IL1RAPL2: variants seen among roughly 807,000 people sequenced by gnomAD.
IL1RAPL2 encodes the protein X-linked interleukin-1 receptor accessory protein-like 2.
In IL1RAPL2, 3 loss-of-function variants were observed where a neutral mutation model predicts 44.1. The ratio of observed to expected loss-of-function variants is 0.07; its 90% confidence interval spans 0.03 to 0.18. The LOEUF is 0.18. Ranked by LOEUF, IL1RAPL2 falls within the 10% of genes least tolerant of loss-of-function variation. The pLI is 1.00. For synonymous variants in IL1RAPL2, 181 were observed against 178.8 expected (o/e 1.01, Z -0.10); for missense variants, 391 against 496.4 (o/e 0.79, Z 2.02).
chrX:105,691,003 C>G (rs1305659670), intron 6 of IL1RAPL2, among the ~76,000 whole-genome samples: 1 of 111,029 alleles, frequency 9.0e-6, no homozygotes, highest in African/African-American at 3.3e-5. Flanking sequence ...GTGCACATGA[C>G]CTCTTCTTTG....
intron 5 of IL1RAPL2, among the ~76,000 whole-genome samples, chrX:105,374,431 G>A (rs1395814437): frequency 9.0e-6 from 1 of 111,527 alleles, no homozygotes; most frequent in Admixed American, 9.5e-5. Flanking sequence ...GCTTTGGGCA[G>A]GATGGCCATT....
rs777573960 is a variant in IL1RAPL2, at chrX:104,990,502, T to G, written c.83-204973T>G. Among the ~76,000 whole-genome samples the G allele has an allele frequency of 3.3e-4, 37 of 111,217 alleles. 1 individual carries two copies. The highest frequency in any genetic ancestry group is 1.1e-3 in the African/African-American group (33 of 30,696). On this transcript the variant is annotated intron_variant, in intron 2 of 10. Coordinates refer to ENST00000372582, the MANE Select transcript of IL1RAPL2 (RefSeq NM_017416.2). ...ACTGAAACAATCCTACATTCATGCTTCTTCTTCTTCTTTACAAGGCATCTG... is the reference window on the plus strand; with the variant it reads ...ACTGAAACAATCCTACATTCATGCTGCTTCTTCTTCTTTACAAGGCATCTG...
intron 1 of IL1RAPL2, among the ~76,000 whole-genome samples, chrX:104,610,440 G>C (rs920698200): frequency 8.9e-6 from 1 of 111,741 alleles, no homozygotes; most frequent in African/African-American, 3.3e-5. Flanking sequence ...AAAGTCTCAG[G>C]ATACAAAATC....
At chrX:105,366,516 A>G (rs777382263) in intron 5 of IL1RAPL2, among the ~76,000 whole-genome samples, 3 of 110,611 alleles carry the variant, frequency 2.7e-5, no homozygotes, top group Non-Finnish European at 5.7e-5. Flanking sequence ...CTTTTGCTGC[A>G]TTCCATAAAG....
At chrX:105,159,993 C>T (rs956742096) in intron 2 of IL1RAPL2, among the ~76,000 whole-genome samples, 1 of 92,329 alleles carries the variant, frequency 1.1e-5, no homozygotes, top group South Asian at 7.0e-4. Flanking sequence ...CCCCCCCCCC[C>T]ACTCCACCCC....
At chrX:105,428,312 T>G (rs1264816979) in intron 5 of IL1RAPL2, among the ~76,000 whole-genome samples, 2 of 111,918 alleles carry the variant, frequency 1.8e-5, no homozygotes, top group Non-Finnish European at 3.8e-5. Flanking sequence ...TTTTCTCTGT[T>G]GAAACTAAAT....
At chrX:104,702,028 C>T (rs1214055531) in intron 2 of IL1RAPL2, among the ~76,000 whole-genome samples, 1 of 111,265 alleles carries the variant, frequency 9.0e-6, no homozygotes, top group African/African-American at 3.3e-5. Flanking sequence ...TCATCTTATT[C>T]TGTCTATAAA....
At chrX:105,053,279 C>G (rs1301713666) in intron 2 of IL1RAPL2, among the ~76,000 whole-genome samples, 1 of 111,551 alleles carries the variant, frequency 9.0e-6, no homozygotes, top group African/African-American at 3.3e-5. Flanking sequence ...TTTTGCCACA[C>G]ATTAAAACAC....
chrX:104,753,628 T>C (rs1369122982), intron 2 of IL1RAPL2, among the ~76,000 whole-genome samples: 4 of 111,531 alleles, frequency 3.6e-5, no homozygotes, highest in African/African-American at 1.3e-4. Context: ...GTTTGAAGGG[T>C]AAGTTTTCCT....
At chrX:105,559,911 T>G (rs1326733775) in intron 6 of IL1RAPL2, among the ~76,000 whole-genome samples, 1 of 111,721 alleles carries the variant, frequency 9.0e-6, no homozygotes, top group Non-Finnish European at 1.9e-5. Flanking sequence ...TCTTTCTCTA[T>G]TGCTCTTGTA....
intron 2 of IL1RAPL2, among the ~76,000 whole-genome samples, chrX:104,701,670 C>T: frequency 9.0e-6 from 1 of 111,687 alleles, no homozygotes. Context: ...GGTCCATTGG[C>T]TAAATGAATG....
chrX:105,622,278 A>AAATAATAATAAT (rs374952697), intron 6 of IL1RAPL2, among the ~76,000 whole-genome samples: 2 of 99,394 alleles, frequency 2.0e-5, no homozygotes, highest in South Asian at 9.2e-4. Context: ...AAGTCAATAA[A>AAATAATAATAAT]AATAATAATA....
At chrX:105,416,909 G>C (rs937418836) in intron 5 of IL1RAPL2, among the ~76,000 whole-genome samples, 2 of 112,151 alleles carry the variant, frequency 1.8e-5, no homozygotes, top group Non-Finnish European at 3.8e-5. Context: ...TAAGTCCTCT[G>C]TTTCCTTCGG....
chrX:105,398,436 G>A (rs6652398), intron 5 of IL1RAPL2, among the ~76,000 whole-genome samples: 21,486 of 110,430 alleles, frequency 0.19, 5,060 homozygotes, highest in African/African-American at 0.67. Context: ...TTGAAGCAGG[G>A]TAAGTATTTT....
chrX:104,939,790 G>A (rs957095962), intron 2 of IL1RAPL2, among the ~76,000 whole-genome samples: 8 of 111,582 alleles, frequency 7.2e-5, no homozygotes, highest in African/African-American at 2.6e-4. Context: ...TGTGATACAT[G>A]CTACAACATG....
In IL1RAPL2 at chrX:105,306,950, G is replaced by A. The variant is rs907618751; in HGVS notation, c.697+39409G>A. Among the ~76,000 whole-genome samples, 12 of 111,402 alleles carry A rather than the reference G, an allele frequency of 1.1e-4. 1 individual carries two copies. Among genetic ancestry groups the A allele is most frequent in the Middle Eastern group, 8.4e-3 (2 of 237 alleles). ...CTCACAGTTCCGCATGGCTGGGAAC[G>A]CCTCAGGAAACTTACAATAATGTCA... On this transcript the variant is annotated intron_variant, in intron 5 of 10. Transcript: ENST00000372582.
In IL1RAPL2 at chrX:105,047,717, G is replaced by A. The variant is rs1409216269; in HGVS notation, c.83-147758G>A. Reference sequence around the variant, plus strand: ...GAACACTTCAGGATTATGCAAGCAGGCTAGGTAGTCTCCTCTGATTCAATA... The same window carrying A: ...GAACACTTCAGGATTATGCAAGCAGACTAGGTAGTCTCCTCTGATTCAATA... On this transcript the variant is annotated intron_variant, in intron 2 of 10. Transcript: ENST00000372582. 2.7e-5 allele frequency among the ~76,000 whole-genome samples: 3 copies of A among 111,623 alleles called. No homozygotes were observed. In the Admixed American group the frequency reaches 2.9e-4, roughly 11 times the overall value.
chrX:105,312,812 T>C (rs1406992), intron 5 of IL1RAPL2, among the ~76,000 whole-genome samples: 25,183 of 110,553 alleles, frequency 0.23, 6,343 homozygotes, highest in African/African-American at 0.75. Flanking sequence ...ATATACATTT[T>C]GAAACATCAT....
At chrX:105,082,208 G>T (rs1470151417) in intron 2 of IL1RAPL2, among the ~76,000 whole-genome samples, 1 of 111,619 alleles carries the variant, frequency 9.0e-6, no homozygotes, top group South Asian at 3.7e-4. Flanking sequence ...ACTTGGGAGG[G>T]TGTATGTGTC....
Sources: gnomAD v4.1 joint callset for allele counts (sites outside exome capture counted in the v4.1 genomes callset) on GRCh38, gnomAD v4.1.1 for gene constraint, MANE v1.5 for transcripts, NCBI Gene and HGNC (gene_info 2026-07-23, HGNC 2026-07-21) for gene names.